WT1: variants seen among roughly 807,000 people sequenced by gnomAD.
WT1 encodes Wilms tumor protein.
Under a neutral mutation model 60.8 loss-of-function variants are expected in WT1, and 8 were observed. The observed-to-expected ratio is 0.13, with a 90% CI of 0.08 to 0.24. WT1 has a LOEUF of 0.24. WT1 is among the 10% of genes least tolerant of loss of function. The probability of loss-of-function intolerance (pLI) is 1.00; values close to 1 mark genes in which losing one functional copy is unlikely to be tolerated. For synonymous variants in WT1, 312 were observed against 297.1 expected (o/e 1.05, Z -0.52); for missense variants, 568 against 711.8 (o/e 0.80, Z 2.30).
At chr11:32,429,292 C>A (rs1312528336) in intron 1 of WT1, among the ~76,000 whole-genome samples, 1 of 152,202 alleles carries the variant, frequency 6.6e-6, no homozygotes, top group Non-Finnish European at 1.5e-5. Context: ...ATGGGACCCA[C>A]CTTGCGCCCA....
chr11:32,396,903 C>G (rs1375299069), intron 6 of WT1, among the ~76,000 whole-genome samples: 2 of 152,146 alleles, frequency 1.3e-5, no homozygotes, highest in Non-Finnish European at 2.9e-5. Flanking sequence ...CTGACCAGAT[C>G]GTCCAAGTAT....
intron 5 of WT1, among the ~76,000 whole-genome samples, chr11:32,401,540 A>ATATT (rs1261625286): frequency 3.8e-4 from 57 of 151,738 alleles, no homozygotes; most frequent in African/African-American, 1.3e-3. Flanking sequence ...ATGCATCAGT[A>ATATT]TATTTATTTA....
rs560563520 is a variant in WT1 at position 32,420,719 on chromosome 11, G to T, written c.888-3065C>A. Among the ~76,000 whole-genome samples, 165 of 152,240 alleles carry T rather than the reference G, an allele frequency of 1.1e-3. 1 individual carries two copies. Among genetic ancestry groups the T allele is most frequent in the Non-Finnish European group, 1.8e-3 (124 of 68,024 alleles). On this transcript the variant is annotated intron_variant, in intron 3 of 9. Transcript: ENST00000452863. ...TAACAATAATACAGACAAGAGTCTG[G>T]AGGTGAAAGAGAATATGCTCAAGGG...
intron 6 of WT1, among the ~76,000 whole-genome samples, chr11:32,397,901 G>A (rs1023005015): frequency 3.3e-5 from 5 of 152,196 alleles, no homozygotes; most frequent in Non-Finnish European, 5.9e-5. Flanking sequence ...TGTCTGGTCT[G>A]GAGTGTTTTA....
rs939385459 is a variant in WT1 at position 32,435,011 on chromosome 11, C to T, written c.350G>A (p.Gly117Asp). ...GCCCAACGACCCGTAAGCCGAAGCG[C>T]CCGGGGGCGCAAAGTCCAGCACCGG... Residue 117 changes from glycine (G) to aspartate (D), a missense_variant, in exon 1 of 10, where the codon GGC becomes GAC. This residue lies in a region of WT1 where 523 missense variants were observed against 565.1 expected (regional missense o/e 0.93). Transcript: ENST00000452863. The T allele has an allele frequency of 1.2e-5, 18 of 1,488,482 alleles. No individual in the cohort carries two copies. Among genetic ancestry groups the T allele is most frequent in the Non-Finnish European group, 1.6e-5 (18 of 1,129,628 alleles). The allele number at this position is 1,488,482 out of a possible 1,614,324, so 92.2% of individuals were successfully genotyped here.
chr11:32,408,514 T>TAAAA (rs58685266), intron 5 of WT1, among the ~76,000 whole-genome samples: 315 of 73,494 alleles, frequency 4.3e-3, no homozygotes, highest in Middle Eastern at 8.6e-3. Context: ...GACTACGTCT[T>TAAAA]AAAAAAAAAA....
At chr11:32,392,150 G>C (rs1851836965) in intron 8 of WT1, 86 bp from the exon 9 acceptor site, 1 of 1,213,142 alleles carries the variant, frequency 8.2e-7, no homozygotes, top group Non-Finnish European at 1.2e-6. Context: ...AGCTGGAGGA[G>C]CCCAGCATTT....
rs772298084 is a variant in WT1, at chr11:32,388,638, A to G, written c.*420T>C. Reference sequence around the variant, plus strand: ...AAATGGAAACCATGACAAAGTTTACATTAGCAGACACATACACATGCCCTG... The same window carrying G: ...AAATGGAAACCATGACAAAGTTTACGTTAGCAGACACATACACATGCCCTG... On this transcript the variant is annotated 3_prime_UTR_variant, in exon 10 of 10. Coordinates refer to ENST00000452863, the MANE Select transcript of WT1 (RefSeq NM_024426.6). The G allele has an allele frequency of 3.8e-6, 1 of 266,548 alleles. No homozygotes were observed. The highest frequency in any genetic ancestry group is 7.3e-6 in the Non-Finnish European group (1 of 137,244). The allele number at this position is 266,548 out of a possible 1,614,324, so 16.5% of individuals were successfully genotyped here.
At chr11:32,420,566 A>G (rs1229715849) in intron 3 of WT1, among the ~76,000 whole-genome samples, 1 of 152,220 alleles carries the variant, frequency 6.6e-6, no homozygotes, top group Non-Finnish European at 1.5e-5. Flanking sequence ...CCCATTTATT[A>G]GATGAGGGTT....
In WT1 at chr11:32,391,361, A is replaced by G. The variant is rs137869903; in HGVS notation, c.1447+611T>C. Reference sequence around the variant, plus strand: ...ATTAACGCTCTTTCCAAAGGTAGAAAATATGCAACAAAGGTGGTGCTATTT... The same window carrying G: ...ATTAACGCTCTTTCCAAAGGTAGAAGATATGCAACAAAGGTGGTGCTATTT... On this transcript the variant is annotated intron_variant, in intron 9 of 9. Transcript: ENST00000452863. 2.6e-3 allele frequency among the ~76,000 whole-genome samples: 395 copies of G among 152,350 alleles called. 7 individuals carry two copies. Among genetic ancestry groups the G allele is most frequent in the Admixed American group, 0.022 (334 of 15,302 alleles).
Position 32,428,514 on chromosome 11 carries a change from C to T in WT1, c.767G>A (p.Gly256Asp). 1 of 1,614,142 alleles carries T rather than the reference C, an allele frequency of 6.2e-7. No homozygotes were observed. The change falls in exon 2 of 10, where the codon GGC becomes GAC. Residue 256 changes from glycine (G) to aspartate (D), a missense_variant. Around this residue, in one of 3 missense-constraint regions of WT1, gnomAD observed 523 missense variants for 565.1 expected, o/e 0.93. Transcript: ENST00000452863. ...TCGCTTACCCAGCGAGCCCTGCTGG[C>T]CCATGGGATCCTCATGCTTGAATGA... is the stretch of plus-strand genomic sequence containing the variant.
chr11:32,405,809 A>C (rs1169886120), intron 5 of WT1, among the ~76,000 whole-genome samples: 6 of 152,224 alleles, frequency 3.9e-5, no homozygotes, highest in African/African-American at 1.4e-4. Flanking sequence ...CTGAGGTTTA[A>C]GGAGACATTG....
chr11:32,418,706 A>T (rs1021732404), intron 3 of WT1, among the ~76,000 whole-genome samples: 2 of 152,232 alleles, frequency 1.3e-5, no homozygotes, highest in Admixed American at 1.3e-4. Context: ...ATTTTAATTC[A>T]GAAAGGCTTT....
At chr11:32,430,487 A>AGAGAGAGAGAGAGAGG (rs753290941) in intron 1 of WT1, 8 of 1,590,896 alleles carry the variant, frequency 5.0e-6, no homozygotes, top group South Asian at 3.4e-5. Flanking sequence ...AGAGAGAGAG[A>AGAGAGAGAGAGAGAGG]GAGACGAAAT....
intron 2 of WT1, 35 bp downstream of exon 2, chr11:32,428,461 AG>A: frequency 6.2e-7 from 1 of 1,613,536 alleles, no homozygotes; most frequent in South Asian, 1.1e-5. Flanking sequence ...GCACGGAAGA[AG>A]GGGAGAAGGA....
rs768828897 is a variant in WT1 at position 32,428,573 on chromosome 11, C to T, written c.708G>A (p.Thr236=). 2 of 1,613,976 alleles carry T rather than the reference C, an allele frequency of 1.2e-6. No homozygotes were observed. ...GGAACTGCGCCGCATGGTGCGAGGG[C>T]GTGTGACCGTAGCTGGGCGTCCCGT... The change falls in exon 2 of 10, where the codon ACG becomes ACA. Residue 236 remains threonine (T), a synonymous_variant. Coordinates refer to ENST00000452863, the MANE Select transcript of WT1 (RefSeq NM_024426.6).
chr11:32,404,949 G>A (rs913384212), intron 5 of WT1, among the ~76,000 whole-genome samples: 1 of 152,088 alleles, frequency 6.6e-6, no homozygotes, highest in African/African-American at 2.4e-5. Context: ...TGAAAACTAA[G>A]ACATTTATCT....
chr11:32,419,416 A>T (rs1474241118), intron 3 of WT1, among the ~76,000 whole-genome samples: 1 of 152,158 alleles, frequency 6.6e-6, no homozygotes, highest in African/African-American at 2.4e-5. Context: ...CTAATTTTTT[A>T]AAAATTGTTC....
rs569611603 is a variant in WT1, at chr11:32,397,500, G to A, written c.1114-1093C>T. Among the ~76,000 whole-genome samples the A allele has an allele frequency of 4.1e-3, 381 of 93,766 alleles. 3 individuals are homozygous for A. The highest frequency in any genetic ancestry group is 0.028 in the South Asian group (82 of 2,904). 61.5% of individuals were successfully genotyped at this position (93,766 alleles called of 152,430 possible). On this transcript the variant is annotated intron_variant, in intron 6 of 9. Transcript: ENST00000452863. ...CCAGCTAATTTTTTTTTTTTTTTTT[G>A]GTAGAGATAGGGTCTCCCTATGTTG... is the stretch of plus-strand genomic sequence containing the variant.
Sources: allele counts gnomAD v4.1 joint callset (sites outside exome capture counted in the v4.1 genomes callset), GRCh38; gene constraint gnomAD v4.1.1; regional missense constraint gnomAD v4.1.1; transcripts MANE v1.5; gene names NCBI Gene and HGNC (gene_info 2026-07-23, HGNC 2026-07-21).